The following CHD6 variants were observed in gnomAD, a reference collection of about 807,000 sequenced individuals.
CHD6 encodes chromodomain helicase DNA binding protein 6.
CHD6 carries 50 observed loss-of-function variants against 276.9 expected under a neutral mutation model. The ratio of observed to expected loss-of-function variants is 0.18; its 90% CI spans 0.14 to 0.23. The LOEUF is 0.23. Ranked by LOEUF, CHD6 falls within the 10% of genes least tolerant of loss-of-function variation. The probability of loss-of-function intolerance (pLI) is 1.00; values close to 1 mark genes in which losing one functional copy is unlikely to be tolerated. For missense variants in CHD6, 2,564 were observed against 3,365.8 expected (o/e 0.76, Z 5.89); for synonymous variants, 1,173 against 1,229.3 (o/e 0.95, Z 0.96).
intron 31 of CHD6, 58 bp from the exon 32 acceptor site, chr20:41,417,407 A>G: frequency 6.9e-7 from 1 of 1,445,986 alleles, no homozygotes; most frequent in Non-Finnish European, 9.4e-7. Context: ...GATACTAGTG[A>G]TCTGAGAGAT....
At chr20:41,511,975 T>A in intron 5 of CHD6, among the ~76,000 whole-genome samples, 1 of 63,262 alleles carries the variant, frequency 1.6e-5, no homozygotes, top group Non-Finnish European at 2.4e-5. Context: ...ACTTTTACAT[T>A]TTTTTTTTCT....
chr20:41,560,225 TA>T (rs1568702528), intron 1 of CHD6, among the ~76,000 whole-genome samples: 2 of 151,950 alleles, frequency 1.3e-5, no homozygotes, highest in Admixed American at 6.6e-5. Flanking sequence ...TATTGTGTCT[TA>T]AAAAAAATAA....
chr20:41,567,536 T>C lies in CHD6; in HGVS notation c.-23-16176A>G, dbSNP rs549358035. 1.4e-4 allele frequency among the ~76,000 whole-genome samples: 21 copies of C among 152,012 alleles called. No individual in the cohort carries two copies. In the South Asian group the frequency reaches 4.2e-3, roughly 30 times the overall value. On this transcript the variant is annotated intron_variant, in intron 1 of 36. Coordinates refer to ENST00000373233, the MANE Select transcript of CHD6 (RefSeq NM_032221.5). ...GCTGCTGCTTCCCTTGCTGTTGTCA[T>C]GTACACTCTCCTGATCCCCAAGTAG...
intron 1 of CHD6, among the ~76,000 whole-genome samples, chr20:41,573,659 C>A (rs1044527344): frequency 6.6e-5 from 10 of 151,634 alleles, no homozygotes; most frequent in Admixed American, 3.9e-4. Flanking sequence ...AACTGGAGAA[C>A]AATGCAAAAA....
intron 23 of CHD6, among the ~76,000 whole-genome samples, chr20:41,449,346 A>T (rs1305978797): frequency 1.3e-5 from 2 of 152,220 alleles, no homozygotes; most frequent in Non-Finnish European, 2.9e-5. Context: ...CTGCCTGCTG[A>T]GACTTAGCTC....
chr20:41,550,384 T>A (rs1156645542), intron 2 of CHD6, among the ~76,000 whole-genome samples: 3 of 152,242 alleles, frequency 2.0e-5, no homozygotes, highest in African/African-American at 7.2e-5. Flanking sequence ...ATTTAGTCAC[T>A]GCTCTTCTTG....
At chr20:41,509,577 C>T (rs759523782) in intron 5 of CHD6, among the ~76,000 whole-genome samples, 8 of 152,124 alleles carry the variant, frequency 5.3e-5, no homozygotes, top group African/African-American at 1.4e-4. Flanking sequence ...GTACACTGTA[C>T]GCAGACACAG....
chr20:41,605,218 G>A (rs999677203), intron 1 of CHD6, among the ~76,000 whole-genome samples: 5 of 152,130 alleles, frequency 3.3e-5, no homozygotes, highest in Admixed American at 1.3e-4. Context: ...CTAGGTGAAG[G>A]GGGGATGGGT....
At chr20:41,617,823 C>T (rs557842048) in intron 1 of CHD6, among the ~76,000 whole-genome samples, 5 of 151,980 alleles carry the variant, frequency 3.3e-5, no homozygotes, top group Admixed American at 6.5e-5. Flanking sequence ...CACCCTCCTC[C>T]ACCCCTGCAA....
intron 1 of CHD6, among the ~76,000 whole-genome samples, chr20:41,555,448 G>GA (rs2045217383): frequency 6.7e-6 from 1 of 150,250 alleles, no homozygotes; most frequent in African/African-American, 2.5e-5. Context: ...GTGGCTGCCG[G>GA]GCGGAGACGC....
chr20:41,445,857 A>G, intron 24 of CHD6, 89 bp from the exon 25 acceptor site: 1 of 739,938 alleles, frequency 1.4e-6, no homozygotes, highest in Non-Finnish European at 2.4e-6. Context: ...GCATGCTGAG[A>G]TGCTAAAGTA....
At position 41,439,356 on chromosome 20, in the gene CHD6, G is replaced by A. The variant is rs2003692; in HGVS notation, c.4007+644C>T. ...GGGTGACAAAGCAAGACTCTATCTC[G>A]GGAAAAAAAAAAAAGCTATGTTTTC... On this transcript the variant is annotated intron_variant, in intron 26 of 36. Coordinates refer to ENST00000373233, the MANE Select transcript of CHD6 (RefSeq NM_032221.5). 2.8e-3 allele frequency among the ~76,000 whole-genome samples: 422 copies of A among 150,488 alleles called. 2 individuals are homozygous for A. The highest frequency in any genetic ancestry group is 0.024 in the Middle Eastern group (7 of 292).
rs575073915 is a variant in CHD6 at position 41,598,767 on chromosome 20, G to T, written c.-24+19573C>A. Among the ~76,000 whole-genome samples the T allele has an allele frequency of 3.3e-4, 51 of 152,264 alleles. 1 individual carries two copies. The highest frequency in any genetic ancestry group is 1.2e-3 in the African/African-American group (50 of 41,556). Reference sequence around the variant, plus strand: ...GATGAAGTAAGCCTAAGCCTTTCTAGGAGCTAACCAATCAGTCTGCCCTTG... The same window carrying T: ...GATGAAGTAAGCCTAAGCCTTTCTATGAGCTAACCAATCAGTCTGCCCTTG... On this transcript the variant is annotated intron_variant, in intron 1 of 36. Transcript: ENST00000373233.
Position 41,599,458 on chromosome 20 carries a change from C to T in CHD6, c.-24+18882G>A, listed in dbSNP as rs376681706. Reference sequence around the variant, plus strand: ...TCAATCTTTACCCCCCTTGCAATTGCTATAGGTGTACTCATTCTTGTAGGT... The same window carrying T: ...TCAATCTTTACCCCCCTTGCAATTGTTATAGGTGTACTCATTCTTGTAGGT... On this transcript the variant is annotated intron_variant, in intron 1 of 36. Coordinates refer to ENST00000373233, the MANE Select transcript of CHD6 (RefSeq NM_032221.5). Among the ~76,000 whole-genome samples, 11 of 152,206 alleles carry T rather than the reference C, an allele frequency of 7.2e-5. No homozygotes were observed. The East Asian group carries it at 1.2e-3, about 16-fold the overall frequency.
rs187542067 is a variant in CHD6 at position 41,499,319 on chromosome 20, G to A, written c.891C>T (p.Ile297=). 4.4e-6 allele frequency: 7 copies of A among 1,607,660 alleles called. No individual in the cohort carries two copies. The East Asian group carries it at 1.3e-4, about 31-fold the overall frequency. ...PEDDANIIEK[I]LASKTVQEVH... is the part of the protein sequence containing the mutation. ...CCTCCTGGACAGTCTTAGATGCCAG[G>A]ATCTTCTCAATGATGTTTGCATCAT... Residue 297 remains isoleucine, a synonymous_variant, in exon 6 of 37, where the codon ATC becomes ATT. Coordinates refer to ENST00000373233, the MANE Select transcript of CHD6 (RefSeq NM_032221.5).
intron 36 of CHD6, among the ~76,000 whole-genome samples, chr20:41,410,345 G>A (rs914790427): frequency 6.6e-6 from 1 of 152,158 alleles, no homozygotes; most frequent in African/African-American, 2.4e-5. Flanking sequence ...GGATGATGTG[G>A]TATGGGGCCT....
rs1427800556 is a variant in CHD6, at chr20:41,555,094, T to G, written c.-23-3734A>C. Among the ~76,000 whole-genome samples the G allele has an allele frequency of 8.7e-4, 91 of 104,296 alleles. 1 individual carries two copies. In the East Asian group the frequency reaches 9.1e-3, roughly 10 times the overall value. 68.4% of individuals were successfully genotyped at this position (104,296 alleles called of 152,430 possible). A position where few individuals can be genotyped will look rare whatever the true frequency, so the allele number is the denominator to read the frequency against. On this transcript the variant is annotated intron_variant, in intron 1 of 36. Transcript: ENST00000373233. ...CACCTCCCTCCTGGACGGGGCGGCT[T>G]GCCGGGCGGGGGGCTGACCCCCCCA... is the stretch of plus-strand genomic sequence containing the variant.
intron 10 of CHD6, among the ~76,000 whole-genome samples, chr20:41,492,061 G>C (rs1038074226): frequency 3.9e-5 from 6 of 152,122 alleles, no homozygotes; most frequent in Admixed American, 1.3e-4. Context: ...AACTCTCCCT[G>C]CTTTCTATCT....
At chr20:41,533,927 A>C (rs2044757571) in intron 2 of CHD6, among the ~76,000 whole-genome samples, 1 of 152,212 alleles carries the variant, frequency 6.6e-6, no homozygotes, top group Non-Finnish European at 1.5e-5. Flanking sequence ...GTATAGGAGG[A>C]AGTTTTATGG....
Sources: allele counts gnomAD v4.1 joint callset (sites outside exome capture counted in the v4.1 genomes callset), GRCh38; gene constraint gnomAD v4.1.1; transcripts MANE v1.5; gene names NCBI Gene and HGNC (gene_info 2026-07-23, HGNC 2026-07-21).